Variants in LRRC57 observed in about 807,000 individuals in gnomAD.
The protein encoded by LRRC57 is leucine-rich repeat-containing protein 57.
In LRRC57, 14 loss-of-function variants were observed where a neutral mutation model predicts 23.1. The observed-to-expected ratio is 0.61, with a 90% CI of 0.40 to 0.95. The LOEUF (loss-of-function observed/expected upper bound fraction) is 0.95. LRRC57 is among the 40% of genes least tolerant of loss of function. The probability of loss-of-function intolerance (pLI) is 0.00; values close to 1 mark genes in which losing one functional copy is unlikely to be tolerated. For missense variants in LRRC57, 236 were observed against 284.4 expected, an observed-to-expected ratio of 0.83 and a Z score of 1.22; for synonymous variants, 106 against 115.2, an observed-to-expected ratio of 0.92 and a Z score of 0.51.
rs1294772975 is a variant in LRRC57 at position 42,547,284 on chromosome 15, C to T, written c.469G>A (p.Glu157Lys). The T allele has an allele frequency of 1.2e-6, 2 of 1,614,054 alleles. No homozygotes were observed. Among genetic ancestry groups the T allele is most frequent in the East Asian group, 4.5e-5 (2 of 44,882 alleles). ...ACCTGATTCTGGTTGAGGTTGAGTT[C>T]GATGACTTGCAGCTCTCCCACTGAG... Reference protein sequence around the residue: ...PDSVGELQVIELNLNQNQISQ... With the variant: ...PDSVGELQVIKLNLNQNQISQ... Residue 157 changes from glutamate to lysine, a missense_variant, in exon 4 of 6, where the codon GAA becomes AAA. Coordinates refer to ENST00000397130, the MANE Select transcript of LRRC57 (RefSeq NM_153260.3).
At chr15:42,536,212 G>A (rs2057600057), downstream of LRRC57, among the ~76,000 whole-genome samples, 1 of 152,224 alleles carries the variant, frequency 6.6e-6, no homozygotes, top group South Asian at 2.1e-4. Flanking sequence ...TTTTCAAAAT[G>A]TGAGACAAAG....
At chr15:42,532,643 T>A in the LRRC57 span, 1 of 152,638 alleles carries the variant, frequency 6.6e-6, no homozygotes, top group African/African-American at 2.4e-5. Flanking sequence ...TTAAAATTTT[T>A]TGGAAAAGTT....
Position 42,547,412 on chromosome 15 carries a change from C to T in LRRC57, c.341G>A (p.Ser114Asn). Reference protein sequence around the residue: ...FGQLSALKTLSLSGNQLGALP... With the variant: ...FGQLSALKTLNLSGNQLGALP... ...TGCTCCCAGTTGGTTCCCAGAGAGG[C>T]TCAGGGTCTTGAGGGCAGAGAGTTG... The change falls in exon 4 of 6, where the codon AGC becomes AAC. Residue 114 changes from serine to asparagine, a missense_variant. Coordinates refer to ENST00000397130, the MANE Select transcript of LRRC57 (RefSeq NM_153260.3). 1.2e-6 allele frequency: 2 copies of T among 1,614,174 alleles called. No homozygotes were observed.
At position 42,548,439 on chromosome 15, in the gene LRRC57, G is replaced by A. The variant is rs747118742; in HGVS notation, c.-5C>T. ...GCGGAGCGCACTGTTTCCCATCCTA[G>A]CGCCGCGGCTCAGGTCCCTGCGGGA... On this transcript the variant is annotated 5_prime_UTR_variant, in exon 2 of 6. Transcript: ENST00000397130. The A allele has an allele frequency of 1.2e-6, 2 of 1,613,358 alleles. No homozygotes were observed.
rs566081936 is a variant in LRRC57 at position 42,548,765 on chromosome 15, C to T, written c.-95G>A. ...CCCGCAGTAGCCGGGATGCGCTCCC[C>T]GGCTTAGTCCCGGGCGGGAACGCCC... On this transcript the variant is annotated 5_prime_UTR_variant, in exon 1 of 6. Coordinates refer to ENST00000397130, the MANE Select transcript of LRRC57 (RefSeq NM_153260.3). 1 of 798,732 alleles carries T rather than the reference C, an allele frequency of 1.3e-6. No homozygotes were observed. 49.5% of individuals were successfully genotyped at this position (798,732 alleles called of 1,614,324 possible).
chr15:42,545,956 C>T (rs2141580259), intron 4 of LRRC57, among the ~76,000 whole-genome samples: 1 of 152,266 alleles, frequency 6.6e-6, no homozygotes, highest in South Asian at 2.1e-4. Context: ...ATTCTGCTCC[C>T]ACGTTTCCAA....
At chr15:42,545,407 T>C in intron 4 of LRRC57, 145 bp from the exon 5 acceptor site, 1 of 477,452 alleles carries the variant, frequency 2.1e-6, no homozygotes, top group Non-Finnish European at 3.5e-6. Flanking sequence ...TCTCACTGCC[T>C]ACTCACTCCA....
At chr15:42,544,842 C>CACACAA in intron 5 of LRRC57, among the ~76,000 whole-genome samples, 2 of 98,034 alleles carry the variant, frequency 2.0e-5, no homozygotes, top group Non-Finnish European at 1.9e-5. Context: ...CACACACACA[C>CACACAA]TATATATATA....
Position 42,541,300 on chromosome 15 carries a change from T to C in LRRC57, c.*2783A>G, listed in dbSNP as rs2057628091. The C allele has an allele frequency of 6.6e-6, 1 of 152,058 alleles. No individual in the cohort carries two copies. Among genetic ancestry groups the C allele is most frequent in the South Asian group, 2.1e-4 (1 of 4,826 alleles). The allele number at this position is 152,058 out of a possible 1,614,324, so 9.4% of individuals were successfully genotyped here. A position where few individuals can be genotyped will look rare whatever the true frequency, so the allele number is the denominator to read the frequency against. On this transcript the variant is annotated 3_prime_UTR_variant, in exon 6 of 6. Transcript: ENST00000397130. The stretch of plus-strand genomic sequence containing the variant: ...GGGTGGATCACCTGAAGCCAGGAGT[T>C]CAAGACCAGTCTGGCCAACACGGTG...
chr15:42,538,981 G>A lies in LRRC57; in HGVS notation c.*5102C>T, dbSNP rs562433245. Reference sequence around the variant, plus strand: ...GGATTGCTTGAGCCCAGGAGTTTGGGGCCAGCCTGGGGAACACAGGAAGAC... The same window carrying A: ...GGATTGCTTGAGCCCAGGAGTTTGGAGCCAGCCTGGGGAACACAGGAAGAC... On this transcript the variant is annotated 3_prime_UTR_variant, in exon 6 of 6. Transcript: ENST00000397130. 7.8e-4 allele frequency: 119 copies of A among 151,840 alleles called. No homozygotes were observed. The highest frequency in any genetic ancestry group is 2.9e-3 in the African/African-American group (118 of 41,360). The allele number at this position is 151,840 out of a possible 1,614,324, so 9.4% of individuals were successfully genotyped here.
At chr15:42,529,983 G>A in the LRRC57 span, among the ~76,000 whole-genome samples, 1 of 152,156 alleles carries the variant, frequency 6.6e-6, no homozygotes, top group African/African-American at 2.4e-5. Flanking sequence ...CAAGAGCCAA[G>A]TCCTCCCTGT....
the LRRC57 span, among the ~76,000 whole-genome samples, chr15:42,530,044 A>C: frequency 6.6e-6 from 1 of 152,206 alleles, no homozygotes; most frequent in Non-Finnish European, 1.5e-5. Context: ...TAGTAGTTTT[A>C]CTTAAACCTT....
At position 42,548,140 on chromosome 15, in the gene LRRC57, C is replaced by A; in HGVS notation, c.189G>T (p.Leu63=). The change falls in exon 3 of 6, where the codon CTG becomes CTT. Residue 63 remains leucine (L), a synonymous_variant. Transcript: ENST00000397130. The part of the protein sequence containing the change: ...LPPLLIGKFT[L]LKSLSLNNNK... ...TGTTGTTCAGGGAGAGGCTCTTCAGCAGAGTGAACTTTCCTATCAGCAAAG... is the reference window on the plus strand; with the variant it reads ...TGTTGTTCAGGGAGAGGCTCTTCAGAAGAGTGAACTTTCCTATCAGCAAAG... 6.2e-7 allele frequency: 1 copy of A among 1,614,208 alleles called. No individual in the cohort carries two copies. Among genetic ancestry groups the A allele is most frequent in the Non-Finnish European group, 8.5e-7 (1 of 1,180,024 alleles).
At chr15:42,531,490 T>C in the LRRC57 span, 2 of 1,590,642 alleles carry the variant, frequency 1.3e-6, no homozygotes, top group Non-Finnish European at 1.7e-6. Flanking sequence ...GCTACTGCTG[T>C]TCTTCTTTAT....
At chr15:42,529,635 T>G in the LRRC57 span, 2 of 1,592,068 alleles carry the variant, frequency 1.3e-6, no homozygotes, top group Admixed American at 3.8e-5. Context: ...TTTATTTAAA[T>G]TCAACAAAAC....
the LRRC57 span, among the ~76,000 whole-genome samples, chr15:42,530,627 A>G: frequency 3.3e-5 from 5 of 152,020 alleles, no homozygotes; most frequent in African/African-American, 4.8e-5. Flanking sequence ...GCATGTGCCT[A>G]TTGTCCCAGT....
At chr15:42,528,997 G>GA in the LRRC57 span, among the ~76,000 whole-genome samples, 8 of 152,078 alleles carry the variant, frequency 5.3e-5, no homozygotes, top group African/African-American at 1.9e-4. Context: ...TTTATATATA[G>GA]AAAAAAATAG....
chr15:42,545,711 A>G (rs2057655622), intron 4 of LRRC57, among the ~76,000 whole-genome samples: 1 of 152,154 alleles, frequency 6.6e-6, no homozygotes, highest in Non-Finnish European at 1.5e-5. Context: ...TCCCTACTGC[A>G]TTTAACTGTA....
At chr15:42,545,803 CTT>C (rs1048952836) in intron 4 of LRRC57, among the ~76,000 whole-genome samples, 57 of 152,018 alleles carry the variant, frequency 3.7e-4, no homozygotes, top group Non-Finnish European at 1.6e-4. Context: ...CCTTACTTCT[CTT>C]GTTTTTATGG....
Sources: allele counts gnomAD v4.1 joint callset (sites outside exome capture counted in the v4.1 genomes callset), GRCh38; gene constraint gnomAD v4.1.1; transcripts MANE v1.5; gene names NCBI Gene and HGNC (gene_info 2026-07-23, HGNC 2026-07-21).